Variants in PRPF6 observed in about 807,000 individuals in gnomAD.
PRPF6 encodes pre-mRNA-processing factor 6.
Under a neutral mutation model 118.3 loss-of-function variants are expected in PRPF6, and 42 were observed. That is an observed-to-expected ratio of 0.35 (90% confidence interval 0.28 to 0.46). The LOEUF (loss-of-function observed/expected upper bound fraction) is 0.46, where lower values mean the gene tolerates loss of function less well. PRPF6 is among the 20% of genes least tolerant of loss of function. The pLI, the probability that PRPF6 is intolerant of heterozygous loss-of-function variation, is 1.00. For missense variants in PRPF6, 662 were observed against 1,255.7 expected, an observed-to-expected ratio of 0.53 and a Z score of 7.15; for synonymous variants, 481 against 485.1, an observed-to-expected ratio of 0.99 and a Z score of 0.11.
intron 12 of PRPF6, among the ~76,000 whole-genome samples, chr20:64,019,654 G>A (rs2059254221): frequency 6.6e-6 from 1 of 152,208 alleles, no homozygotes; most frequent in Non-Finnish European, 1.5e-5. Flanking sequence ...TCAGGACTTG[G>A]ATCAGAAATC....
intron 6 of PRPF6, among the ~76,000 whole-genome samples, chr20:63,996,294 G>A (rs2123010390): frequency 6.6e-6 from 1 of 152,246 alleles, no homozygotes; most frequent in East Asian, 1.9e-4. Flanking sequence ...AGCCGAGATT[G>A]CACCAGTGCA....
chr20:64,004,265 T>C (rs912293564), intron 9 of PRPF6, among the ~76,000 whole-genome samples: 3 of 152,208 alleles, frequency 2.0e-5, no homozygotes, highest in African/African-American at 7.2e-5. Context: ...GGCTGTGCTC[T>C]CTCAGGCAGA....
intron 6 of PRPF6, among the ~76,000 whole-genome samples, chr20:63,997,207 A>T (rs572876548): frequency 6.6e-6 from 1 of 151,768 alleles, no homozygotes; most frequent in African/African-American, 2.4e-5. Flanking sequence ...TGGATCTTAT[A>T]TGACTGGAAT....
intron 12 of PRPF6, 140 bp downstream of exon 12, chr20:64,016,985 C>T: frequency 1.6e-6 from 2 of 1,217,194 alleles, no homozygotes; most frequent in African/African-American, 1.5e-5. Flanking sequence ...CTCTGTCGCC[C>T]AGGCTGGAGT....
rs41278234 is a variant in PRPF6, at chr20:63,999,627, C to T, written c.891C>T (p.Leu297=). ...GTGATATCAAGAAGGCGCGACTGCT[C>T]CTCAAGTCTGTTCGGGAGACGAACC... ...DINDIKKARL[L]LKSVRETNPH... is the part of the protein sequence containing the mutation. Residue 297 remains leucine, a synonymous_variant, in exon 8 of 21, where the codon CTC becomes CTT. Coordinates refer to ENST00000266079, the MANE Select transcript of PRPF6 (RefSeq NM_012469.4). 1.4e-3 allele frequency: 2,195 copies of T among 1,614,196 alleles called. 7 individuals are homozygous for T. Among genetic ancestry groups the T allele is most frequent in the Non-Finnish European group, 1.7e-3 (2,046 of 1,180,046 alleles).
At position 64,026,754 on chromosome 20, in the gene PRPF6, C is replaced by T. The variant is rs377378120; in HGVS notation, c.2029-228C>T. 2.1e-3 allele frequency among the ~76,000 whole-genome samples: 325 copies of T among 152,196 alleles called. 12 individuals carry two copies. The South Asian group carries it at 0.057, about 27-fold the overall frequency. ...GGTGGAGCTTGCAGTGAGCCGAGAT[C>T]GTGCCACTGCACTCCAGCCTGGGTG... On this transcript the variant is annotated intron_variant, in intron 15 of 20. Transcript: ENST00000266079. The surrounding 1 kb of genome is among the most constrained non-coding windows in gnomAD (Gnocchi z 4.4).
Position 64,024,404 on chromosome 20 carries a change from A to G in PRPF6, c.1770-151A>G, listed in dbSNP as rs1394570642. On this transcript the variant is annotated intron_variant, in intron 13 of 20. Coordinates refer to ENST00000266079, the MANE Select transcript of PRPF6 (RefSeq NM_012469.4). The stretch of plus-strand genomic sequence containing the variant: ...TTATGGAGAGGAAAGATTTCCCCAC[A>G]CTCTCCCCATTGTAAAATCTGGTCA... The G allele has an allele frequency of 3.1e-5, 31 of 1,009,556 alleles. 1 individual carries two copies. The Admixed American group carries it at 6.1e-4, about 20-fold the overall frequency. 62.5% of individuals were successfully genotyped at this position (1,009,556 alleles called of 1,614,324 possible).
chr20:64,005,053 A>G (rs531457129), intron 9 of PRPF6, among the ~76,000 whole-genome samples: 1 of 152,298 alleles, frequency 6.6e-6, no homozygotes, highest in African/African-American at 2.4e-5. Context: ...TCTAGCATTC[A>G]GAATACTCTT....
rs535571158 is a variant in PRPF6, at chr20:63,990,617, G to A, written c.360-2790G>A. 1.8e-4 allele frequency among the ~76,000 whole-genome samples: 28 copies of A among 151,418 alleles called. No homozygotes were observed. In the South Asian group the frequency reaches 5.2e-3, roughly 28 times the overall value. On this transcript the variant is annotated intron_variant, in intron 3 of 20. Coordinates refer to ENST00000266079, the MANE Select transcript of PRPF6 (RefSeq NM_012469.4). ...CCCAGGTAGCTGGGATTACAAGCACGTGCTACCACACCCAGCTAATTTTTC... is the reference window on the plus strand; with the variant it reads ...CCCAGGTAGCTGGGATTACAAGCACATGCTACCACACCCAGCTAATTTTTC...
At chr20:63,989,273 A>G (rs1010515016) in intron 3 of PRPF6, among the ~76,000 whole-genome samples, 3 of 152,168 alleles carry the variant, frequency 2.0e-5, no homozygotes, top group Non-Finnish European at 4.4e-5. Flanking sequence ...TGAAACTACT[A>G]GAAGAAAACA....
In PRPF6 at chr20:63,998,921, G is replaced by C; in HGVS notation, c.772-124G>C. 3 of 685,722 alleles carry C rather than the reference G, an allele frequency of 4.4e-6. No individual in the cohort carries two copies. In the South Asian group the frequency reaches 4.5e-5, roughly 10 times the overall value. The allele number at this position is 685,722 out of a possible 1,614,324, so 42.5% of individuals were successfully genotyped here. A position where few individuals can be genotyped will look rare whatever the true frequency, so the allele number is the denominator to read the frequency against. The stretch of plus-strand genomic sequence containing the variant: ...CAAGGTGTTGTCTGAGTGAAATGAA[G>C]GCTGTTTTCCTTCTCCTTCTGACTG... On this transcript the variant is annotated intron_variant, in intron 6 of 20. Transcript: ENST00000266079.
chr20:64,015,631 C>G (rs1439251313), intron 11 of PRPF6, among the ~76,000 whole-genome samples: 1 of 152,124 alleles, frequency 6.6e-6, no homozygotes, highest in African/African-American at 2.4e-5. Context: ...CACATGAATG[C>G]CTTAAAGTAG....
chr20:64,009,880 A>T (rs1251136419), intron 9 of PRPF6, among the ~76,000 whole-genome samples: 1 of 152,234 alleles, frequency 6.6e-6, no homozygotes, highest in African/African-American at 2.4e-5. Flanking sequence ...GTCATATAGT[A>T]TAAACTGTTT....
rs753620767 is a variant in PRPF6, at chr20:64,028,604, C to T, written c.2431+35C>T. 23 of 1,604,438 alleles carry T rather than the reference C, an allele frequency of 1.4e-5. No homozygotes were observed. Among genetic ancestry groups the T allele is most frequent in the Non-Finnish European group, 2.0e-5 (23 of 1,176,304 alleles). On this transcript the variant is annotated intron_variant, in intron 18 of 20. Coordinates refer to ENST00000266079, the MANE Select transcript of PRPF6 (RefSeq NM_012469.4). The surrounding 1 kb of genome is among the most constrained non-coding windows in gnomAD (Gnocchi z 6.5). ...TGCCCCGACTCCGGTAAGGGGGTGC[C>T]CTGACTCCGGTAAGGGGGTGCCTTG...
At position 64,002,890 on chromosome 20, in the gene PRPF6, CACCTCG is replaced by C. The variant is rs372290331; in HGVS notation, c.1186+1657_1186+1662del. 7.7e-3 allele frequency among the ~76,000 whole-genome samples: 1,155 copies of C among 149,234 alleles called. 20 individuals are homozygous for C. Among genetic ancestry groups the C allele is most frequent in the African/African-American group, 0.027 (1,094 of 40,412 alleles). On this transcript the variant is annotated intron_variant, in intron 9 of 20. Transcript: ENST00000266079. ...AACTTCTCACCTCAAGTGATCCACCCACCTCGACCTCCCAAAGTGCTGGGATTACAG... is the reference window on the plus strand; with the variant it reads ...AACTTCTCACCTCAAGTGATCCACCCACCTCCCAAAGTGCTGGGATTACAG...
chr20:63,986,904 C>T (rs544988892), intron 3 of PRPF6, among the ~76,000 whole-genome samples: 1 of 151,658 alleles, frequency 6.6e-6, no homozygotes, highest in Non-Finnish European at 1.5e-5. Flanking sequence ...TGTGGTGGCT[C>T]ACGTCTGTAA....
At chr20:64,017,600 C>G (rs559997378) in intron 12 of PRPF6, among the ~76,000 whole-genome samples, 6 of 101,520 alleles carry the variant, frequency 5.9e-5, no homozygotes, top group South Asian at 6.7e-4. Context: ...CGGCCTCCCA[C>G]GGTGCTGGGA....
chr20:63,999,005 G>C (rs2059153825), intron 6 of PRPF6, 40 bp from the exon 7 acceptor site: 1 of 1,516,824 alleles, frequency 6.6e-7, no homozygotes. Context: ...TTTTGCACCT[G>C]GTCATGTCCA....
intron 7 of PRPF6, 114 bp from the exon 8 acceptor site, chr20:63,999,489 A>G: frequency 7.2e-7 from 1 of 1,391,582 alleles, no homozygotes; most frequent in Non-Finnish European, 1.0e-6. Flanking sequence ...GTAACTCAGG[A>G]CATCAGGACT....
Sources: allele counts gnomAD v4.1 joint callset (sites outside exome capture counted in the v4.1 genomes callset), GRCh38; gene constraint gnomAD v4.1.1; non-coding constraint Gnocchi (gnomAD v3.1); transcripts MANE v1.5; gene names NCBI Gene and HGNC (gene_info 2026-07-23, HGNC 2026-07-21).